NRCAM: variants seen among roughly 807,000 people sequenced by gnomAD.
NRCAM encodes the protein neuronal cell adhesion molecule.
In NRCAM, 83 loss-of-function variants were observed where a neutral mutation model predicts 156.5. The ratio of observed to expected loss-of-function variants is 0.53; its 90% CI spans 0.44 to 0.64. The LOEUF (loss-of-function observed/expected upper bound fraction) is 0.64. Ranked by LOEUF, NRCAM falls within the 30% of genes least tolerant of loss-of-function variation. The pLI is 0.00. For missense variants in NRCAM, 1,417 were observed against 1,597.3 expected (o/e 0.89, Z 1.92); for synonymous variants, 538 against 563.9 (o/e 0.95, Z 0.65).
intron 3 of NRCAM, among the ~76,000 whole-genome samples, chr7:108,260,362 T>C (rs781126385): frequency 6.6e-5 from 10 of 152,236 alleles, no homozygotes; most frequent in African/African-American, 9.6e-5. Context: ...AGAGTATTTA[T>C]TGAAAAAAAT....
chr7:108,255,222 G>A (rs1562968012), intron 3 of NRCAM, among the ~76,000 whole-genome samples: 1 of 143,856 alleles, frequency 7.0e-6, no homozygotes, highest in Non-Finnish European at 1.5e-5. Context: ...GCGGAGCAGA[G>A]GCTGGACTGT....
At chr7:108,166,404 T>A (rs1479306474) in intron 30 of NRCAM, among the ~76,000 whole-genome samples, 3 of 151,914 alleles carry the variant, frequency 2.0e-5, no homozygotes, top group Non-Finnish European at 4.4e-5. Flanking sequence ...CCCACCACCA[T>A]GCCCAGCTAA....
chr7:108,397,535 T>C (rs1299572982), intron 2 of NRCAM, among the ~76,000 whole-genome samples: 1 of 152,158 alleles, frequency 6.6e-6, no homozygotes, highest in Non-Finnish European at 1.5e-5. Flanking sequence ...AACCATGTCC[T>C]GGGTGGATGC....
intron 20 of NRCAM, among the ~76,000 whole-genome samples, chr7:108,188,184 A>T (rs1466317007): frequency 6.6e-6 from 1 of 152,072 alleles, no homozygotes; most frequent in Non-Finnish European, 1.5e-5. Flanking sequence ...CCCAGAGTAC[A>T]GTCTACACAG....
At chr7:108,234,950 ATTAT>A in intron 5 of NRCAM, 1 of 590,162 alleles carries the variant, frequency 1.7e-6, no homozygotes, top group South Asian at 1.6e-5. Context: ...TGGGGAAATA[ATTAT>A]CAATACAAAC....
intron 3 of NRCAM, among the ~76,000 whole-genome samples, chr7:108,308,337 G>C (rs2098749515): frequency 6.6e-6 from 1 of 152,192 alleles, no homozygotes; most frequent in Admixed American, 6.5e-5. Flanking sequence ...CCAGAAAACA[G>C]TTAAGAACTA....
At chr7:108,448,110 C>T (rs1171680648) in intron 1 of NRCAM, among the ~76,000 whole-genome samples, 1 of 152,148 alleles carries the variant, frequency 6.6e-6, no homozygotes, top group African/African-American at 2.4e-5. Flanking sequence ...GAAACGTAAA[C>T]ATAACCATGG....
At position 108,184,631 on chromosome 7, in the gene NRCAM, C is replaced by G. The variant is rs1349801321; in HGVS notation, c.2036-17G>C. On this transcript the variant is annotated splice_polypyrimidine_tract_variant and intron_variant, in intron 20 of 32. Transcript: ENST00000379028. ...TGATGAATTCTGGTCACGACACACACACACCAAACCCAAGACCGTGAATTC... is the reference window on the plus strand; with the variant it reads ...TGATGAATTCTGGTCACGACACACAGACACCAAACCCAAGACCGTGAATTC... 6.2e-7 allele frequency: 1 copy of G among 1,606,550 alleles called. No individual in the cohort carries two copies. The highest frequency in any genetic ancestry group is 8.5e-7 in the Non-Finnish European group (1 of 1,176,288).
intron 2 of NRCAM, among the ~76,000 whole-genome samples, chr7:108,372,254 C>T (rs1209601098): frequency 6.6e-6 from 1 of 151,950 alleles, no homozygotes; most frequent in Non-Finnish European, 1.5e-5. Context: ...AACTGTAACA[C>T]ACCTAGAAAA....
intron 3 of NRCAM, among the ~76,000 whole-genome samples, chr7:108,300,605 C>A (rs185852499): frequency 4.3e-4 from 65 of 152,202 alleles, no homozygotes; most frequent in African/African-American, 1.5e-3. Flanking sequence ...CATGTCTATC[C>A]TGTTGAGGCA....
chr7:108,358,890 G>C (rs2099528030), intron 2 of NRCAM, among the ~76,000 whole-genome samples: 1 of 152,132 alleles, frequency 6.6e-6, no homozygotes, highest in African/African-American at 2.4e-5. Flanking sequence ...CTGTAGCAGG[G>C]GAAATGACTT....
At chr7:108,202,587 C>A (rs1437381900) in intron 13 of NRCAM, among the ~76,000 whole-genome samples, 2 of 152,090 alleles carry the variant, frequency 1.3e-5, no homozygotes, top group African/African-American at 4.8e-5. Context: ...GTTAAATTTC[C>A]CTCTTCATTT....
In NRCAM at chr7:108,194,734, T is replaced by C. The variant is rs140455638; in HGVS notation, c.1464-306A>G. Among the ~76,000 whole-genome samples, 919 of 152,338 alleles carry C rather than the reference T, an allele frequency of 6.0e-3. 7 individuals are homozygous for C. The highest frequency in any genetic ancestry group is 0.021 in the African/African-American group (868 of 41,574). On this transcript the variant is annotated intron_variant, in intron 15 of 32. Coordinates refer to ENST00000379028, the MANE Select transcript of NRCAM (RefSeq NM_001037132.4). ...TTAAGGTAGGGGCCAAGGGAAATTTTCCTTTAATCTTAACCCTGCATATAT... is the reference window on the plus strand; with the variant it reads ...TTAAGGTAGGGGCCAAGGGAAATTTCCCTTTAATCTTAACCCTGCATATAT...
chr7:108,182,320 G>T (rs183537197), intron 23 of NRCAM, among the ~76,000 whole-genome samples: 15 of 151,518 alleles, frequency 9.9e-5, no homozygotes, highest in African/African-American at 3.6e-4. Context: ...ACATCTGCAG[G>T]TTCTGCATCT....
chr7:108,166,570 T>C (rs543718286), intron 30 of NRCAM, among the ~76,000 whole-genome samples: 2 of 152,212 alleles, frequency 1.3e-5, no homozygotes, highest in South Asian at 2.1e-4. Context: ...TTCTTATAAG[T>C]TCTTTCATCT....
rs192951358 is a variant in NRCAM at position 108,183,222 on chromosome 7, A to G, written c.2305-302T>C. On this transcript the variant is annotated intron_variant, in intron 22 of 32. Coordinates refer to ENST00000379028, the MANE Select transcript of NRCAM (RefSeq NM_001037132.4). Reference sequence around the variant, plus strand: ...TGGTGATTCTTTAGACATTTCGGTCACATAGAATCCTTTTTATATTCCTGT... The same window carrying G: ...TGGTGATTCTTTAGACATTTCGGTCGCATAGAATCCTTTTTATATTCCTGT... Among the ~76,000 whole-genome samples the G allele has an allele frequency of 2.2e-3, 336 of 152,316 alleles. 4 individuals are homozygous for G. Among genetic ancestry groups the G allele is most frequent in the African/African-American group, 7.7e-3 (321 of 41,570 alleles).
At chr7:108,192,141 T>A (rs1344109063) in intron 17 of NRCAM, among the ~76,000 whole-genome samples, 1 of 152,202 alleles carries the variant, frequency 6.6e-6, no homozygotes, top group Non-Finnish European at 1.5e-5. Context: ...GGTACTGTCC[T>A]GTTAGGAACT....
In NRCAM at chr7:108,278,818, G is replaced by A. The variant is rs573198952; in HGVS notation, c.-107+33847C>T. Among the ~76,000 whole-genome samples, 4 of 152,376 alleles carry A rather than the reference G, an allele frequency of 2.6e-5. No homozygotes were observed. The East Asian group carries it at 7.7e-4, about 29-fold the overall frequency. On this transcript the variant is annotated intron_variant, in intron 3 of 32. Transcript: ENST00000379028. Reference sequence around the variant, plus strand: ...ACCAGGTACCTCAGTTGGAAATGCAGAATGCAGAAATCATCGTCTTCTGTG... The same window carrying A: ...ACCAGGTACCTCAGTTGGAAATGCAAAATGCAGAAATCATCGTCTTCTGTG...
intron 1 of NRCAM, among the ~76,000 whole-genome samples, chr7:108,440,547 A>C (rs1461907266): frequency 6.6e-6 from 1 of 152,130 alleles, no homozygotes; most frequent in Non-Finnish European, 1.5e-5. Context: ...GTTGGGTTTT[A>C]CTCCTCTGTC....
Sources: gnomAD v4.1 joint callset for allele counts (sites outside exome capture counted in the v4.1 genomes callset) on GRCh38, gnomAD v4.1.1 for gene constraint, MANE v1.5 for transcripts, NCBI Gene and HGNC (gene_info 2026-07-23, HGNC 2026-07-21) for gene names.